The following ADGRV1 variants were observed in gnomAD, a reference collection of about 807,000 sequenced individuals.
ADGRV1 encodes adhesion G protein-coupled receptor V1.
In ADGRV1, 359 loss-of-function variants were observed where a neutral mutation model predicts 596.2. The ratio of observed to expected loss-of-function variants is 0.60; its 90% CI spans 0.55 to 0.66. ADGRV1 has a LOEUF of 0.66. Among genes scored for constraint, ADGRV1 ranks in the 30% least tolerant of loss-of-function variants. The pLI is 0.00. For missense variants in ADGRV1, 7,274 were observed against 7,575.6 expected (o/e 0.96, Z 1.48); for synonymous variants, 2,681 against 2,679.2 (o/e 1.00, Z -0.02).
Position 90,642,723 on chromosome 5 carries a change from T to C in ADGRV1, c.2328T>C (p.Phe776=), listed in dbSNP as rs1351281053. The C allele has an allele frequency of 2.5e-6, 4 of 1,613,494 alleles. No homozygotes were observed. Among genetic ancestry groups the C allele is most frequent in the Non-Finnish European group, 3.4e-6 (4 of 1,179,632 alleles). Residue 776 remains phenylalanine (F), a synonymous_variant, in exon 12 of 90, where the codon TTT becomes TTC. Coordinates refer to ENST00000405460, the MANE Select transcript of ADGRV1 (RefSeq NM_032119.4). ...AAAATGATGACCCTGGGGGAGTTTT[T>C]GAATTTTCTCCTGCTTCCAGAGGAC... ...ILENDDPGGV[F]EFSPASRGPY...
intron 68 of ADGRV1, 120 bp from the exon 69 acceptor site, chr5:90,789,582 C>G (rs1759849181): frequency 1.7e-6 from 1 of 596,092 alleles, no homozygotes; most frequent in Non-Finnish European, 2.8e-6. Flanking sequence ...AGAGTATATT[C>G]AAGTGTCATT....
chr5:90,720,994 C>T lies in ADGRV1; in HGVS notation c.9683C>T (p.Thr3228Ile). Residue 3228 changes from threonine to isoleucine, a missense_variant, in exon 45 of 90, where the codon ACT becomes ATT. By Grantham distance (89) the Thr-to-Ile change is moderately conservative. Around this residue, in one of 5 missense-constraint regions of ADGRV1, gnomAD observed 3,643 missense variants for 3,809.2 expected, o/e 0.96. Coordinates refer to ENST00000405460, the MANE Select transcript of ADGRV1 (RefSeq NM_032119.4). ...ACCGTGTATTTAAATGTATCTCGAA[C>T]TAATGGCATTGATTTGGCTGTGAGT... The part of the protein sequence containing the change: ...NRTVYLNVSR[T>I]NGIDLAVSVQ... 3 of 1,612,714 alleles carry T rather than the reference C, an allele frequency of 1.9e-6. No homozygotes were observed. The highest frequency in any genetic ancestry group is 2.5e-6 in the Non-Finnish European group (3 of 1,179,048).
At chr5:90,591,466 T>C (rs1349036576) in intron 1 of ADGRV1, among the ~76,000 whole-genome samples, 1 of 152,156 alleles carries the variant, frequency 6.6e-6, no homozygotes, top group Admixed American at 6.6e-5. Context: ...TATTATCTAC[T>C]GGTTAGATAA....
At chr5:90,794,192 G>A (rs1335256039) in intron 70 of ADGRV1, among the ~76,000 whole-genome samples, 1 of 152,166 alleles carries the variant, frequency 6.6e-6, no homozygotes, top group Non-Finnish European at 1.5e-5. Flanking sequence ...CTAACCCTCT[G>A]TGCTGTGGCT....
At chr5:90,868,168 C>T (rs1399133550) in intron 83 of ADGRV1, among the ~76,000 whole-genome samples, 1 of 152,006 alleles carries the variant, frequency 6.6e-6, no homozygotes, top group Non-Finnish European at 1.5e-5. Flanking sequence ...ATATTATGAC[C>T]CCAAAACATC....
chr5:90,787,215 C>G (rs1402868803), intron 67 of ADGRV1, among the ~76,000 whole-genome samples: 3 of 152,174 alleles, frequency 2.0e-5, no homozygotes, highest in Non-Finnish European at 4.4e-5. Flanking sequence ...GCCCAATGTT[C>G]TTTCTTTGTA....
intron 71 of ADGRV1, among the ~76,000 whole-genome samples, chr5:90,803,890 T>C (rs1161233636): frequency 6.6e-6 from 1 of 152,176 alleles, no homozygotes; most frequent in African/African-American, 2.4e-5. Context: ...TCCTTATCCA[T>C]GCACATTGTC....
intron 87 of ADGRV1, among the ~76,000 whole-genome samples, chr5:91,143,489 C>T (rs747416177): frequency 3.3e-5 from 5 of 152,150 alleles, no homozygotes; most frequent in Admixed American, 1.3e-4. Flanking sequence ...CGCAGCTGGT[C>T]GTCCCTACGT....
intron 83 of ADGRV1, among the ~76,000 whole-genome samples, chr5:90,922,377 T>C (rs1400311839): frequency 2.0e-5 from 3 of 152,208 alleles, no homozygotes; most frequent in Non-Finnish European, 4.4e-5. Flanking sequence ...CTATATGACA[T>C]GTGACAGGTA....
At chr5:90,770,950 T>G (rs913642655) in intron 59 of ADGRV1, among the ~76,000 whole-genome samples, 2 of 152,176 alleles carry the variant, frequency 1.3e-5, no homozygotes, top group Non-Finnish European at 2.9e-5. Context: ...TAATCTATCT[T>G]AAACATTTCT....
At chr5:90,968,531 T>A (rs2150980231) in intron 84 of ADGRV1, among the ~76,000 whole-genome samples, 1 of 152,298 alleles carries the variant, frequency 6.6e-6, no homozygotes, top group Non-Finnish European at 1.5e-5. Context: ...ACCAGTGAAG[T>A]TTAATGTATT....
intron 83 of ADGRV1, among the ~76,000 whole-genome samples, chr5:90,914,921 G>A (rs1773212426): frequency 6.6e-6 from 1 of 152,142 alleles, no homozygotes; most frequent in African/African-American, 2.4e-5. Flanking sequence ...TGAGCAAAGA[G>A]ATTTTATTGT....
chr5:90,805,334 A>G lies in ADGRV1; in HGVS notation c.14712A>G (p.Thr4904=). 1 of 1,612,918 alleles carries G rather than the reference A, an allele frequency of 6.2e-7. No homozygotes were observed. Among genetic ancestry groups the G allele is most frequent in the South Asian group, 1.1e-5 (1 of 90,930 alleles). ...AACTCATGAACATCACTGCTGGCAC[A>G]AGCCACGTTATGATTTCTAGGAGAG... The part of the protein sequence containing the change: ...AFQLMNITAG[T]SHVMISRRGT... Residue 4904 remains threonine (T), a synonymous_variant, in exon 72 of 90, where the codon ACA becomes ACG. Coordinates refer to ENST00000405460, the MANE Select transcript of ADGRV1 (RefSeq NM_032119.4).
chr5:91,054,669 C>A (rs1562150824), intron 85 of ADGRV1, among the ~76,000 whole-genome samples: 1 of 152,162 alleles, frequency 6.6e-6, no homozygotes, highest in East Asian at 1.9e-4. Context: ...CTGTCTTGGG[C>A]TTCTTTTATA....
At chr5:90,764,126 T>C (rs1011837205) in intron 59 of ADGRV1, among the ~76,000 whole-genome samples, 1 of 152,188 alleles carries the variant, frequency 6.6e-6, no homozygotes, top group Non-Finnish European at 1.5e-5. Context: ...CCAGCAGGAA[T>C]GAAGTTTGCT....
chr5:90,898,304 T>G (rs1771516823), intron 83 of ADGRV1, among the ~76,000 whole-genome samples: 1 of 152,208 alleles, frequency 6.6e-6, no homozygotes, highest in African/African-American at 2.4e-5. Context: ...CGAATGACCT[T>G]AATTTTTATG....
chr5:90,973,863 A>C (rs890366102), intron 84 of ADGRV1, among the ~76,000 whole-genome samples: 2 of 152,214 alleles, frequency 1.3e-5, no homozygotes, highest in Non-Finnish European at 2.9e-5. Context: ...GCAGTCAGGC[A>C]GAAGAAAGAA....
At chr5:90,857,196 A>T (rs537708332) in intron 82 of ADGRV1, among the ~76,000 whole-genome samples, 1 of 152,284 alleles carries the variant, frequency 6.6e-6, no homozygotes, top group Non-Finnish European at 1.5e-5. Flanking sequence ...CCAAAATCAG[A>T]TGGAGACATC....
intron 85 of ADGRV1, among the ~76,000 whole-genome samples, chr5:91,065,289 G>A (rs1228360399): frequency 6.6e-6 from 1 of 152,056 alleles, no homozygotes; most frequent in Non-Finnish European, 1.5e-5. Context: ...TCTGAGGGAG[G>A]CTGGCACATG....
Sources: allele counts gnomAD v4.1 joint callset (sites outside exome capture counted in the v4.1 genomes callset), GRCh38; gene constraint gnomAD v4.1.1; regional missense constraint gnomAD v4.1.1; transcripts MANE v1.5; gene names NCBI Gene and HGNC (gene_info 2026-07-23, HGNC 2026-07-21).